The following AUTS2 variants were observed in gnomAD, a reference collection of about 807,000 sequenced individuals.
The protein encoded by AUTS2 is activator of transcription and developmental regulator AUTS2, also known as autism susceptibility gene 2 protein.
Under a neutral mutation model 112.4 loss-of-function variants are expected in AUTS2, and 17 were observed. The observed-to-expected ratio is 0.15, with a 90% CI of 0.10 to 0.23. The LOEUF (loss-of-function observed/expected upper bound fraction) is 0.23, where lower values mean the gene tolerates loss of function less well. Ranked by LOEUF, AUTS2 falls within the 10% of genes least tolerant of loss-of-function variation. AUTS2 has a pLI of 1.00. For synonymous variants in AUTS2, 751 were observed against 702.7 expected (o/e 1.07, Z -1.09); for missense variants, 1,510 against 1,701.6 (o/e 0.89, Z 1.98).
At chr7:70,587,252 C>T (rs1802730291) in intron 5 of AUTS2, among the ~76,000 whole-genome samples, 1 of 152,010 alleles carries the variant, frequency 6.6e-6, no homozygotes, top group Non-Finnish European at 1.5e-5. Flanking sequence ...AATTTTTTAA[C>T]TTTTTGTAGA....
chr7:69,867,740 G>A (rs908199062), intron 1 of AUTS2, among the ~76,000 whole-genome samples: 4 of 151,888 alleles, frequency 2.6e-5, no homozygotes, highest in African/African-American at 7.3e-5. Flanking sequence ...AACTAAGCTC[G>A]TTACCTTCAC....
At chr7:70,292,668 T>C (rs534942848) in intron 4 of AUTS2, 1 of 152,308 alleles carries the variant, frequency 6.6e-6, no homozygotes, top group South Asian at 2.1e-4. Flanking sequence ...CACTTCCAAG[T>C]ACTTCCATTT....
chr7:69,711,799 G>GA (rs1798338796), intron 1 of AUTS2, among the ~76,000 whole-genome samples: 2 of 152,104 alleles, frequency 1.3e-5, no homozygotes, highest in African/African-American at 4.8e-5. Context: ...TGGTTCTGAG[G>GA]AAATGACTAT....
intron 1 of AUTS2, among the ~76,000 whole-genome samples, chr7:69,748,238 C>A (rs1212254170): frequency 6.6e-6 from 1 of 152,050 alleles, no homozygotes. Context: ...ATAAAACTTT[C>A]CTAGATAAGG....
At chr7:69,780,628 G>A (rs1378655969) in intron 1 of AUTS2, among the ~76,000 whole-genome samples, 2 of 152,240 alleles carry the variant, frequency 1.3e-5, no homozygotes, top group African/African-American at 2.4e-5. Context: ...GTTATTTATA[G>A]AGCTGTAAGT....
intron 1 of AUTS2, among the ~76,000 whole-genome samples, chr7:69,626,748 C>T: frequency 6.6e-6 from 1 of 152,058 alleles, no homozygotes. Flanking sequence ...GCTCCTTTCC[C>T]CCATAAGGGC....
At chr7:69,904,780 A>T (rs1229547427) in intron 2 of AUTS2, among the ~76,000 whole-genome samples, 3 of 152,230 alleles carry the variant, frequency 2.0e-5, no homozygotes. Flanking sequence ...TTATGAATTT[A>T]AGTTGCATAC....
At position 70,528,093 on chromosome 7, in the gene AUTS2, A is replaced by ATTTTTTTTTTTT. The variant is rs10651355; in HGVS notation, c.690+92327_690+92338dup. On this transcript the variant is annotated intron_variant, in intron 5 of 18. Transcript: ENST00000342771. ...ACTTGAAGTTCACTTAAATTTAAGGATTTTTTTTTTTTTTTTTTTTTTTTT... is the reference window on the plus strand; with the variant it reads ...ACTTGAAGTTCACTTAAATTTAAGGATTTTTTTTTTTTTTTTTTTTTTTTTTTTTTTTTTTTT... Among the ~76,000 whole-genome samples, 11 of 97,298 alleles carry ATTTTTTTTTTTT rather than the reference A, an allele frequency of 1.1e-4. 1 individual carries two copies. Among genetic ancestry groups the ATTTTTTTTTTTT allele is most frequent in the South Asian group, 7.0e-4 (2 of 2,852 alleles). The allele number at this position is 97,298 out of a possible 152,430, so 63.8% of individuals were successfully genotyped here. A position where few individuals can be genotyped will look rare whatever the true frequency, so the allele number is the denominator to read the frequency against.
chr7:70,339,437 G>A (rs761262817), intron 4 of AUTS2, among the ~76,000 whole-genome samples: 7 of 152,086 alleles, frequency 4.6e-5, no homozygotes, highest in Non-Finnish European at 7.4e-5. Flanking sequence ...CTCTTTTTCA[G>A]TAGCTTCTTT....
intron 4 of AUTS2, among the ~76,000 whole-genome samples, chr7:70,184,325 T>C (rs1417521065): frequency 6.6e-6 from 1 of 152,188 alleles, no homozygotes; most frequent in Non-Finnish European, 1.5e-5. Flanking sequence ...AAGCAGAGCC[T>C]ATGCTGGGTA....
At chr7:69,659,289 C>T (rs991397698) in intron 1 of AUTS2, among the ~76,000 whole-genome samples, 4 of 152,142 alleles carry the variant, frequency 2.6e-5, no homozygotes, top group African/African-American at 9.7e-5. Flanking sequence ...AGCAGAGAAA[C>T]AAGGGTCTAA....
At chr7:69,676,984 TG>T (rs1796594593) in intron 1 of AUTS2, among the ~76,000 whole-genome samples, 1 of 152,180 alleles carries the variant, frequency 6.6e-6, no homozygotes, top group Admixed American at 6.5e-5. Context: ...TGGACAATTT[TG>T]GTGCCTGTTT....
At chr7:69,791,278 C>G (rs1445784432) in intron 1 of AUTS2, among the ~76,000 whole-genome samples, 1 of 152,170 alleles carries the variant, frequency 6.6e-6, no homozygotes, top group Non-Finnish European at 1.5e-5. Context: ...CGAGTGACCT[C>G]CAATAGAGCT....
At chr7:70,094,520 C>T (rs965893551) in intron 2 of AUTS2, among the ~76,000 whole-genome samples, 1 of 152,232 alleles carries the variant, frequency 6.6e-6, no homozygotes, top group African/African-American at 2.4e-5. Flanking sequence ...CCTTTTCACT[C>T]TAGCCCTTCT....
At chr7:69,992,067 G>A (rs955045782) in intron 2 of AUTS2, among the ~76,000 whole-genome samples, 1 of 152,114 alleles carries the variant, frequency 6.6e-6, no homozygotes, top group African/African-American at 2.4e-5. Flanking sequence ...GAGCTATGAA[G>A]TCTCATATTA....
intron 5 of AUTS2, among the ~76,000 whole-genome samples, chr7:70,449,385 G>T (rs1351125966): frequency 6.6e-6 from 1 of 152,186 alleles, no homozygotes; most frequent in Non-Finnish European, 1.5e-5. Flanking sequence ...AAGGATTGTG[G>T]GTTGGTGTAA....
chr7:69,890,279 C>T (rs1447532254), intron 1 of AUTS2, among the ~76,000 whole-genome samples: 1 of 152,172 alleles, frequency 6.6e-6, no homozygotes, highest in African/African-American at 2.4e-5. Context: ...AACGGATAGT[C>T]GTGACCTCAT....
intron 2 of AUTS2, among the ~76,000 whole-genome samples, chr7:70,088,935 G>T (rs1329459340): frequency 6.6e-6 from 1 of 151,886 alleles, no homozygotes; most frequent in Non-Finnish European, 1.5e-5. Flanking sequence ...ATTTTGATAT[G>T]CTGTGTTCTC....
intron 5 of AUTS2, among the ~76,000 whole-genome samples, chr7:70,485,788 C>T (rs62455227): frequency 0.024 from 3,701 of 152,086 alleles, 98 homozygotes; most frequent in Admixed American, 0.087. Flanking sequence ...TAATTGTGAT[C>T]TTTATGATTG....
Sources: allele counts gnomAD v4.1 joint callset (sites outside exome capture counted in the v4.1 genomes callset), GRCh38; gene constraint gnomAD v4.1.1; transcripts MANE v1.5; gene names NCBI Gene and HGNC (gene_info 2026-07-23, HGNC 2026-07-21).